TNNI3K: variants seen among roughly 807,000 people sequenced by gnomAD.
The protein encoded by TNNI3K is serine/threonine-protein kinase TNNI3K.
Under a neutral mutation model 114.5 loss-of-function variants are expected in TNNI3K, and 140 were observed. The ratio of observed to expected loss-of-function variants is 1.22; its 90% CI spans 1.07 to 1.41. The LOEUF is 1.41. TNNI3K is among the 40% of genes most tolerant of loss of function. The pLI is 0.00. For synonymous variants in TNNI3K, 347 were observed against 347.5 expected, an observed-to-expected ratio of 1.00 and a Z score of 0.02; for missense variants, 1,125 against 1,007.6, an observed-to-expected ratio of 1.12 and a Z score of -1.58.
intron 7 of TNNI3K, chr1:74,341,636 G>A (rs1198721945): frequency 6.6e-6 from 1 of 151,650 alleles, no homozygotes; most frequent in Non-Finnish European, 1.5e-5. Context: ...GTAGATTAAA[G>A]GATATTATGT....
intron 4 of TNNI3K, among the ~76,000 whole-genome samples, chr1:74,264,357 C>T (rs370786183): frequency 1.1e-3 from 171 of 151,988 alleles, no homozygotes; most frequent in Admixed American, 2.2e-3. Flanking sequence ...CTATGATGCA[C>T]GAGGCAGCTC....
chr1:74,368,097 C>T (rs193043749), intron 13 of TNNI3K, 133 bp downstream of exon 13: 4 of 824,766 alleles, frequency 4.8e-6, no homozygotes, highest in Non-Finnish European at 5.3e-6. Context: ...TATTGACAGA[C>T]CGTTCTTTTC....
At chr1:74,493,256 G>C (rs997142113) in intron 23 of TNNI3K, among the ~76,000 whole-genome samples, 6 of 152,138 alleles carry the variant, frequency 3.9e-5, no homozygotes, top group Non-Finnish European at 4.4e-5. Flanking sequence ...AGTTTTATTT[G>C]GGGCTGATGA....
intron 5 of TNNI3K, among the ~76,000 whole-genome samples, chr1:74,279,820 T>C (rs1200562274): frequency 6.6e-6 from 1 of 152,176 alleles, no homozygotes; most frequent in East Asian, 1.9e-4. Context: ...CTTTCTAAGA[T>C]ATAAAATTTC....
At chr1:74,311,660 C>T (rs1387993747) in intron 5 of TNNI3K, among the ~76,000 whole-genome samples, 4 of 151,942 alleles carry the variant, frequency 2.6e-5, no homozygotes, top group South Asian at 2.1e-4. Context: ...TTATCTGGTC[C>T]GAATCTGAAG....
At chr1:74,365,031 G>T (rs988691944) in intron 11 of TNNI3K, among the ~76,000 whole-genome samples, 1 of 151,958 alleles carries the variant, frequency 6.6e-6, no homozygotes, top group Non-Finnish European at 1.5e-5. Flanking sequence ...TAGAAGATTC[G>T]TCTGAAATTC....
At chr1:74,530,021 G>C (rs1646559862) in intron 23 of TNNI3K, among the ~76,000 whole-genome samples, 2 of 152,172 alleles carry the variant, frequency 1.3e-5, no homozygotes, top group Non-Finnish European at 2.9e-5. Context: ...CTGGAGAACA[G>C]TGGTAGGATC....
At chr1:74,305,908 C>T (rs1239600346) in intron 5 of TNNI3K, among the ~76,000 whole-genome samples, 1 of 152,048 alleles carries the variant, frequency 6.6e-6, no homozygotes, top group Non-Finnish European at 1.5e-5. Context: ...TCAGGGGGCA[C>T]ATGTGCAGGT....
At chr1:74,447,325 T>C (rs1314142588) in intron 20 of TNNI3K, among the ~76,000 whole-genome samples, 1 of 150,186 alleles carries the variant, frequency 6.7e-6, no homozygotes, top group Non-Finnish European at 1.5e-5. Context: ...AGTTCACTCA[T>C]GATTTGGCTC....
At chr1:74,322,741 A>C (rs934467463) in intron 5 of TNNI3K, among the ~76,000 whole-genome samples, 1 of 152,078 alleles carries the variant, frequency 6.6e-6, no homozygotes, top group Non-Finnish European at 1.5e-5. Context: ...GATCACAGGC[A>C]CTTTGCTGGG....
intron 21 of TNNI3K, chr1:74,468,389 T>A (rs926009429): frequency 3.3e-5 from 5 of 152,138 alleles, no homozygotes; most frequent in African/African-American, 1.2e-4. Flanking sequence ...TAGATACTCG[T>A]CTCACCTTAA....
chr1:74,540,402 T>G (rs1050679931), intron 24 of TNNI3K, 89 bp downstream of exon 24: 2 of 1,207,518 alleles, frequency 1.7e-6, no homozygotes, highest in East Asian at 2.5e-5. Flanking sequence ...GCATTGCATA[T>G]TGTAATATCC....
At chr1:74,447,246 A>G (rs1666741771) in intron 20 of TNNI3K, among the ~76,000 whole-genome samples, 1 of 149,368 alleles carries the variant, frequency 6.7e-6, no homozygotes, top group Non-Finnish European at 1.5e-5. Context: ...CTCCTTGAAG[A>G]GGTCCTTCAC....
At chr1:74,499,429 C>A (rs1413445231) in intron 23 of TNNI3K, among the ~76,000 whole-genome samples, 1 of 152,146 alleles carries the variant, frequency 6.6e-6, no homozygotes, top group Admixed American at 6.5e-5. Context: ...CTGCACCAGG[C>A]CCCACAATAA....
intron 17 of TNNI3K, among the ~76,000 whole-genome samples, chr1:74,411,453 C>A (rs1557550059): frequency 6.6e-6 from 1 of 152,124 alleles, no homozygotes; most frequent in Non-Finnish European, 1.5e-5. Context: ...CAAAAGGGGT[C>A]TAACACATAG....
chr1:74,342,850 C>G lies in TNNI3K; in HGVS notation c.691C>G (p.Gln231Glu), dbSNP rs199711451. Residue 231 changes from glutamine to glutamate, a missense_variant, in exon 8 of 25, where the codon CAA (glutamine) becomes GAA (glutamate). Transcript: ENST00000326637. ...TTTCTTGCTGATAACAGTGAATGCT[C>G]AAGATAATGAAGACCATGTCCCACT... is the stretch of plus-strand genomic sequence containing the variant. ...EEGSKADVNAQDNEDHVPLHF... is the reference protein window; with the variant it reads ...EEGSKADVNAEDNEDHVPLHF... 1.9e-6 allele frequency: 3 copies of G among 1,613,542 alleles called. No individual in the cohort carries two copies. Among genetic ancestry groups the G allele is most frequent in the Non-Finnish European group, 2.5e-6 (3 of 1,179,798 alleles).
intron 23 of TNNI3K, among the ~76,000 whole-genome samples, chr1:74,527,553 G>A (rs1646519415): frequency 6.6e-6 from 1 of 152,188 alleles, no homozygotes; most frequent in African/African-American, 2.4e-5. Flanking sequence ...AAGCCACTAT[G>A]GTGGATAGGG....
chr1:74,249,297 C>T (rs1296639550), intron 2 of TNNI3K, among the ~76,000 whole-genome samples, 162 bp from the exon 3 acceptor site: 1 of 151,928 alleles, frequency 6.6e-6, no homozygotes, highest in Non-Finnish European at 1.5e-5. Flanking sequence ...AATTTTAATT[C>T]TTCATATAGA....
intron 17 of TNNI3K, among the ~76,000 whole-genome samples, chr1:74,415,956 G>C (rs1454909426): frequency 6.6e-6 from 1 of 152,154 alleles, no homozygotes; most frequent in Non-Finnish European, 1.5e-5. Context: ...ATTGTCATGA[G>C]GAGTTTTGTG....
Sources: gnomAD v4.1 joint callset for allele counts (sites outside exome capture counted in the v4.1 genomes callset) on GRCh38, gnomAD v4.1.1 for gene constraint, MANE v1.5 for transcripts, NCBI Gene and HGNC (gene_info 2026-07-23, HGNC 2026-07-21) for gene names.